Variants in GRK7 observed in about 807,000 individuals in gnomAD.
The protein encoded by GRK7 is G protein-coupled receptor kinase 7.
In GRK7, 24 loss-of-function variants were observed where a neutral mutation model predicts 34.1. The ratio of observed to expected loss-of-function variants is 0.70; its 90% CI spans 0.51 to 0.99. GRK7 has a LOEUF of 0.99. Among genes scored for constraint, GRK7 ranks in the 50% least tolerant of loss-of-function variants. The pLI, the probability that GRK7 is intolerant of heterozygous loss-of-function variation, is 0.00. For missense variants in GRK7, 644 were observed against 707.3 expected, an observed-to-expected ratio of 0.91 and a Z score of 1.02; for synonymous variants, 256 against 279.4, an observed-to-expected ratio of 0.92 and a Z score of 0.84.
Position 141,780,775 on chromosome 3 carries a change from C to T in GRK7, c.1014C>T (p.Ala338=), listed in dbSNP as rs149043656. ...GNCRLSDLGL[A]VEMKGGKPIT... ...GCAGGTTATCTGACCTGGGGCTGGC[C>T]GTGGAGATGAAGGGTGGCAAGCCCA... Residue 338 remains alanine (A), a synonymous_variant, in exon 4 of 6, where the codon GCC becomes GCT. Coordinates refer to ENST00000682958, the MANE Select transcript of GRK7 (RefSeq NM_139209.3). 1.5e-3 allele frequency: 2,377 copies of T among 1,613,984 alleles called. 5 individuals are homozygous for T. The highest frequency in any genetic ancestry group is 1.9e-3 in the Non-Finnish European group (2,249 of 1,179,966).
At chr3:141,810,276 C>T (rs1711078815) in intron 5 of GRK7, among the ~76,000 whole-genome samples, 1 of 151,468 alleles carries the variant, frequency 6.6e-6, no homozygotes, top group Non-Finnish European at 1.5e-5. Flanking sequence ...CTCTCTCTCC[C>T]CCCTCTTTTC....
chr3:141,783,368 C>T (rs1202357407), intron 4 of GRK7, among the ~76,000 whole-genome samples: 1 of 152,198 alleles, frequency 6.6e-6, no homozygotes, highest in African/African-American at 2.4e-5. Context: ...ATGTCCAGGC[C>T]ATGTGTGCCC....
intron 4 of GRK7, among the ~76,000 whole-genome samples, chr3:141,799,432 G>A (rs1710927778): frequency 6.6e-6 from 1 of 152,096 alleles, no homozygotes; most frequent in South Asian, 2.1e-4. Flanking sequence ...AGCTAACATG[G>A]TGAAACCCTG....
At chr3:141,768,356 C>A (rs973820974) in intron 1 of GRK7, among the ~76,000 whole-genome samples, 1 of 151,714 alleles carries the variant, frequency 6.6e-6, no homozygotes. Flanking sequence ...GACTCCGCCT[C>A]AGCCTCCGCC....
In GRK7 at chr3:141,780,705, G is replaced by A. The variant is rs753960342; in HGVS notation, c.944G>A (p.Arg315Gln). 17 of 1,614,068 alleles carry A rather than the reference G, an allele frequency of 1.1e-5. No homozygotes were observed. The highest frequency in any genetic ancestry group is 6.6e-5 in the South Asian group (6 of 91,092). ...LHLHELGIVYRDMKPENVLLD... is the reference protein window; with the variant it reads ...LHLHELGIVYQDMKPENVLLD... ...CTCCATGAACTCGGCATCGTCTATC[G>A]GGACATGAAGCCTGAGAATGTGCTT... is the stretch of plus-strand genomic sequence containing the variant. Residue 315 changes from arginine (R) to glutamine (Q), a missense_variant, in exon 4 of 6, where the codon CGG (arginine) becomes CAG (glutamine). Physicochemically the swap from Arg to Gln is conservative, Grantham distance 43. Coordinates refer to ENST00000682958, the MANE Select transcript of GRK7 (RefSeq NM_139209.3).
chr3:141,782,553 T>C (rs2084676932), intron 4 of GRK7, among the ~76,000 whole-genome samples: 1 of 152,078 alleles, frequency 6.6e-6, no homozygotes, highest in Admixed American at 6.6e-5. Flanking sequence ...TTTGGAGTTA[T>C]CATGGTTTGG....
intron 4 of GRK7, among the ~76,000 whole-genome samples, chr3:141,781,545 AAAAG>A (rs1235453724): frequency 2.1e-4 from 32 of 151,980 alleles, no homozygotes; most frequent in African/African-American, 6.7e-4. Context: ...TCAAAAAAAA[AAAAG>A]AAAGAAAGAA....
intron 2 of GRK7, among the ~76,000 whole-genome samples, chr3:141,776,893 T>C (rs2084642365): frequency 6.6e-6 from 1 of 152,200 alleles, no homozygotes; most frequent in Admixed American, 6.5e-5. Context: ...AGAAAAAGCC[T>C]GAGTATCCTT....
chr3:141,808,125 T>A (rs28546331), intron 5 of GRK7, among the ~76,000 whole-genome samples: 1 of 152,002 alleles, frequency 6.6e-6, no homozygotes, highest in South Asian at 2.1e-4. Context: ...TATTTTAAGG[T>A]GGAAAAGTGA....
In GRK7 at chr3:141,816,835, A is replaced by G. The variant is rs780081400; in HGVS notation, c.1447A>G (p.Ile483Val). ...PDPSVVYAKD[I>V]AEIDDFSEVR... ...CCCTTCAGTGGTTTATGCCAAAGACATCGCTGAAATTGATGATTTCTCTGA... is the reference window on the plus strand; with the variant it reads ...CCCTTCAGTGGTTTATGCCAAAGACGTCGCTGAAATTGATGATTTCTCTGA... The change falls in exon 6 of 6, where the codon ATC becomes GTC. Residue 483 changes from isoleucine to valine, a missense_variant. By Grantham distance (29) the Ile-to-Val change is conservative. Transcript: ENST00000682958. 41 of 1,613,920 alleles carry G rather than the reference A, an allele frequency of 2.5e-5. No homozygotes were observed. Among genetic ancestry groups the G allele is most frequent in the Non-Finnish European group, 2.5e-6 (3 of 1,179,930 alleles).
At chr3:141,774,017 C>T (rs1188792141) in intron 1 of GRK7, among the ~76,000 whole-genome samples, 2 of 152,178 alleles carry the variant, frequency 1.3e-5, no homozygotes, top group African/African-American at 2.4e-5. Context: ...CTGTGCCCAG[C>T]ACTTTTGGCA....
intron 4 of GRK7, among the ~76,000 whole-genome samples, chr3:141,804,861 T>G (rs1711010307): frequency 6.8e-6 from 1 of 148,136 alleles, no homozygotes; most frequent in Admixed American, 6.7e-5. Context: ...ATACACGCTC[T>G]CATACACATG....
In GRK7 at chr3:141,818,127, A is replaced by G. The variant is rs2107899817; in HGVS notation, c.*1077A>G. ...TTGCACACTTTAGTTTCTCACACGT[A>G]TCTTGGGAGCTCGGTCTCTTGGCTA... is the stretch of plus-strand genomic sequence containing the variant. On this transcript the variant is annotated 3_prime_UTR_variant, in exon 6 of 6. Coordinates refer to ENST00000682958, the MANE Select transcript of GRK7 (RefSeq NM_139209.3). The G allele has an allele frequency of 6.6e-6, 1 of 152,280 alleles. No homozygotes were observed. Among genetic ancestry groups the G allele is most frequent in the South Asian group, 2.1e-4 (1 of 4,828 alleles). The allele number at this position is 152,280 out of a possible 1,614,324, so 9.4% of individuals were successfully genotyped here.
intron 5 of GRK7, among the ~76,000 whole-genome samples, chr3:141,808,972 G>A (rs1338961659): frequency 6.6e-6 from 1 of 151,786 alleles, no homozygotes; most frequent in Non-Finnish European, 1.5e-5. Flanking sequence ...GGTTGAGGTG[G>A]CAGATCACCT....
chr3:141,784,586 T>C (rs2084687071), intron 4 of GRK7, among the ~76,000 whole-genome samples: 1 of 152,138 alleles, frequency 6.6e-6, no homozygotes, highest in Non-Finnish European at 1.5e-5. Context: ...ACACATATAA[T>C]TGGGCTCACA....
At chr3:141,809,351 A>C (rs1008269528) in intron 5 of GRK7, among the ~76,000 whole-genome samples, 1 of 152,272 alleles carries the variant, frequency 6.6e-6, no homozygotes, top group East Asian at 1.9e-4. Flanking sequence ...TGATATTGCC[A>C]ACTGTTAAAA....
At chr3:141,768,819 C>T (rs2107871571) in intron 1 of GRK7, among the ~76,000 whole-genome samples, 1 of 152,262 alleles carries the variant, frequency 6.6e-6, no homozygotes, top group Admixed American at 6.5e-5. Context: ...CTCAGCCTCT[C>T]AGCAGCATTC....
chr3:141,777,707 GC>G (rs2084647187), intron 2 of GRK7, among the ~76,000 whole-genome samples: 1 of 151,558 alleles, frequency 6.6e-6, no homozygotes, highest in Non-Finnish European at 1.5e-5. Flanking sequence ...AGTCCTTAGG[GC>G]CTCTGGGAAC....
chr3:141,776,683 A>G (rs1383007473), intron 2 of GRK7, among the ~76,000 whole-genome samples: 2 of 152,218 alleles, frequency 1.3e-5, no homozygotes, highest in Non-Finnish European at 1.5e-5. Context: ...TATGTGCTCT[A>G]GGGGAACAGT....
Sources: gnomAD v4.1 joint callset for allele counts (sites outside exome capture counted in the v4.1 genomes callset) on GRCh38, gnomAD v4.1.1 for gene constraint, MANE v1.5 for transcripts, NCBI Gene and HGNC (gene_info 2026-07-23, HGNC 2026-07-21) for gene names.